The following ANKRD55 variants were observed in gnomAD, a reference collection of about 807,000 sequenced individuals.
ANKRD55 encodes ankyrin repeat domain-containing protein 55.
ANKRD55 carries 41 observed loss-of-function variants against 60.6 expected under a neutral mutation model. That is an observed-to-expected ratio of 0.68 (90% confidence interval 0.53 to 0.88). ANKRD55 has a LOEUF of 0.88. Among genes scored for constraint, ANKRD55 ranks in the 40% least tolerant of loss-of-function variants. The probability of loss-of-function intolerance (pLI) is 0.00; values close to 1 mark genes in which losing one functional copy is unlikely to be tolerated. For synonymous variants in ANKRD55, 264 were observed against 290.3 expected (o/e 0.91, Z 0.92); for missense variants, 732 against 767.6 (o/e 0.95, Z 0.55).
intron 2 of ANKRD55, among the ~76,000 whole-genome samples, chr5:56,220,828 A>G (rs1759941836): frequency 6.6e-6 from 1 of 152,036 alleles, no homozygotes; most frequent in Admixed American, 6.5e-5. Context: ...ACAAAACAAA[A>G]CAAAACAAAA....
At chr5:56,207,114 C>T (rs1263251061) in intron 2 of ANKRD55, among the ~76,000 whole-genome samples, 1 of 152,216 alleles carries the variant, frequency 6.6e-6, no homozygotes, top group African/African-American at 2.4e-5. Flanking sequence ...TCCCCTTCCC[C>T]CCTTGGAAGT....
intron 7 of ANKRD55, among the ~76,000 whole-genome samples, chr5:56,142,221 GGGA>G (rs1432336154): frequency 2.1e-4 from 32 of 152,190 alleles, no homozygotes; most frequent in Admixed American, 1.8e-3. Flanking sequence ...CCAGCTACTC[GGGA>G]GGCTGAGGCA....
intron 8 of ANKRD55, 94 bp from the exon 9 acceptor site, chr5:56,116,876 A>G: frequency 7.6e-7 from 1 of 1,324,036 alleles, no homozygotes. Context: ...AGTCAGGTTG[A>G]GGTAGGGAAA....
At chr5:56,167,533 C>G (rs1233982040) in intron 5 of ANKRD55, among the ~76,000 whole-genome samples, 2 of 152,168 alleles carry the variant, frequency 1.3e-5, no homozygotes, top group African/African-American at 4.8e-5. Context: ...CCAGAAATAA[C>G]AATTTTGGTT....
chr5:56,152,397 A>AGAT (rs1489354961), intron 6 of ANKRD55, among the ~76,000 whole-genome samples: 1 of 152,106 alleles, frequency 6.6e-6, no homozygotes, highest in Non-Finnish European at 1.5e-5. Flanking sequence ...ATCTGCTTAC[A>AGAT]TAAGAATGTG....
intron 2 of ANKRD55, among the ~76,000 whole-genome samples, chr5:56,219,383 C>G (rs4457035): frequency 1.3e-5 from 2 of 152,024 alleles, no homozygotes; most frequent in Admixed American, 6.5e-5. Flanking sequence ...GTACTTTCCA[C>G]GTATACTGGA....
intron 9 of ANKRD55, among the ~76,000 whole-genome samples, chr5:56,112,273 A>G (rs530852372): frequency 4.6e-5 from 7 of 152,086 alleles, no homozygotes; most frequent in Non-Finnish European, 1.0e-4. Flanking sequence ...CAGAGATCCT[A>G]GAAAACCTGG....
intron 10 of ANKRD55, among the ~76,000 whole-genome samples, chr5:56,106,119 A>G (rs1272630118): frequency 6.6e-6 from 1 of 152,204 alleles, no homozygotes; most frequent in Middle Eastern, 3.2e-3. Context: ...TGATGTAAGC[A>G]TTGGATAGTG....
chr5:56,128,083 C>T (rs981765537), intron 7 of ANKRD55, among the ~76,000 whole-genome samples: 3 of 152,110 alleles, frequency 2.0e-5, no homozygotes, highest in African/African-American at 7.2e-5. Context: ...AGACATACAT[C>T]GAAGGAGTCT....
chr5:56,229,093 GT>G (rs77788173), intron 2 of ANKRD55, among the ~76,000 whole-genome samples: 1,407 of 126,736 alleles, frequency 0.011, 27 homozygotes, highest in African/African-American at 0.036. Flanking sequence ...CCCCTCGCCT[GT>G]TTTTTTTTTT....
At chr5:56,165,690 G>T (rs1315590347) in intron 5 of ANKRD55, among the ~76,000 whole-genome samples, 1 of 152,144 alleles carries the variant, frequency 6.6e-6, no homozygotes, top group East Asian at 1.9e-4. Flanking sequence ...AGCACTTTGG[G>T]AGGCTGAGGT....
chr5:56,141,964 T>C (rs1465885007), intron 7 of ANKRD55, among the ~76,000 whole-genome samples: 4 of 152,230 alleles, frequency 2.6e-5, no homozygotes, highest in Non-Finnish European at 5.9e-5. Flanking sequence ...AGTGTATTAA[T>C]GCAAACTCAG....
intron 6 of ANKRD55, among the ~76,000 whole-genome samples, chr5:56,148,131 G>A (rs1757944968): frequency 6.6e-6 from 1 of 152,232 alleles, no homozygotes; most frequent in Non-Finnish European, 1.5e-5. Flanking sequence ...GAATTAATTA[G>A]TGAATTGCAG....
intron 7 of ANKRD55, among the ~76,000 whole-genome samples, chr5:56,141,669 T>C (rs1757772260): frequency 6.6e-6 from 1 of 152,136 alleles, no homozygotes; most frequent in South Asian, 2.1e-4. Context: ...TGTTCCCCCA[T>C]ACCCTTGCCC....
intron 5 of ANKRD55, among the ~76,000 whole-genome samples, chr5:56,169,783 C>T (rs192841384): frequency 6.6e-6 from 1 of 152,100 alleles, no homozygotes; most frequent in Non-Finnish European, 1.5e-5. Flanking sequence ...AGAATATACT[C>T]CTTGTGCTGC....
intron 2 of ANKRD55, among the ~76,000 whole-genome samples, chr5:56,232,156 T>C (rs1760272827): frequency 6.6e-6 from 1 of 152,238 alleles, no homozygotes; most frequent in South Asian, 2.1e-4. Flanking sequence ...TATAAACACA[T>C]TGCATATGCA....
chr5:56,114,894 T>C (rs985318234), intron 9 of ANKRD55, among the ~76,000 whole-genome samples: 1 of 152,254 alleles, frequency 6.6e-6, no homozygotes, highest in African/African-American at 2.4e-5. Context: ...AATCAAAACA[T>C]GATACTGTGG....
At chr5:56,177,184 G>GTGA (rs1758754810) in intron 3 of ANKRD55, among the ~76,000 whole-genome samples, 2 of 152,154 alleles carry the variant, frequency 1.3e-5, no homozygotes, top group Non-Finnish European at 2.9e-5. Context: ...CCTGGAGGGA[G>GTGA]TGATGAGCTT....
chr5:56,172,579 T>TA (rs1758635098), intron 4 of ANKRD55, among the ~76,000 whole-genome samples: 1 of 97,078 alleles, frequency 1.0e-5, no homozygotes, highest in African/African-American at 1.2e-4. Context: ...GGTTTTCTGA[T>TA]TTTTTTTTTC....
Sources: gnomAD v4.1 joint callset for allele counts (sites outside exome capture counted in the v4.1 genomes callset) on GRCh38, gnomAD v4.1.1 for gene constraint, MANE v1.5 for transcripts, NCBI Gene and HGNC (gene_info 2026-07-23, HGNC 2026-07-21) for gene names.